DPYD: variants seen among roughly 807,000 people sequenced by gnomAD.
DPYD encodes dihydropyrimidine dehydrogenase [NADP(+)].
In DPYD, 109 loss-of-function variants were observed where a neutral mutation model predicts 116.2. The ratio of observed to expected loss-of-function variants is 0.94; its 90% CI spans 0.80 to 1.10. The LOEUF (loss-of-function observed/expected upper bound fraction) is 1.10, where lower values mean the gene tolerates loss of function less well. Ranked by LOEUF, DPYD falls within the 50% of genes least tolerant of loss-of-function variation. The probability of loss-of-function intolerance (pLI) is 0.00; values close to 1 mark genes in which losing one functional copy is unlikely to be tolerated. For synonymous variants in DPYD, 440 were observed against 432.0 expected, an observed-to-expected ratio of 1.02 and a Z score of -0.23; for missense variants, 1,302 against 1,254.5, an observed-to-expected ratio of 1.04 and a Z score of -0.57.
rs977769300 is a variant in DPYD, at chr1:97,341,524, A to G, written c.2058+32037T>C. Among the ~76,000 whole-genome samples, 40 of 152,324 alleles carry G rather than the reference A, an allele frequency of 2.6e-4. 1 individual carries two copies. The highest frequency in any genetic ancestry group is 8.9e-4 in the African/African-American group (37 of 41,584). ...CTCTCTAAGTTCTTTTACTGAACAG[A>G]GACCACACCATTAAAGAGGAACATT... On this transcript the variant is annotated intron_variant, in intron 16 of 22. Coordinates refer to ENST00000370192, the MANE Select transcript of DPYD (RefSeq NM_000110.4).
chr1:97,918,958 GA>G (rs2101723534), intron 1 of DPYD, among the ~76,000 whole-genome samples: 1 of 152,304 alleles, frequency 6.6e-6, no homozygotes, highest in Admixed American at 6.5e-5. Flanking sequence ...AAATTTGATG[GA>G]AAACTGAGCC....
chr1:97,738,677 A>C (rs2101066023), intron 4 of DPYD, among the ~76,000 whole-genome samples: 1 of 151,382 alleles, frequency 6.6e-6, no homozygotes, highest in Admixed American at 6.6e-5. Context: ...ATCCTTCAAC[A>C]AAAAATTAGG....
intron 1 of DPYD, among the ~76,000 whole-genome samples, chr1:97,920,291 TAC>T (rs1410144135): frequency 1.3e-5 from 2 of 151,930 alleles, no homozygotes; most frequent in African/African-American, 4.8e-5. Flanking sequence ...GAGAGAAAAA[TAC>T]AGTTAGTTTT....
In DPYD at chr1:97,142,282, G is replaced by A. The variant is rs537499479; in HGVS notation, c.2623-43650C>T. Among the ~76,000 whole-genome samples the A allele has an allele frequency of 5.3e-5, 8 of 152,198 alleles. No individual in the cohort carries two copies. In the South Asian group the frequency reaches 1.5e-3, roughly 28 times the overall value. On this transcript the variant is annotated intron_variant, in intron 20 of 22. Coordinates refer to ENST00000370192, the MANE Select transcript of DPYD (RefSeq NM_000110.4). ...TAAATCTATCTTCAGTTAGACTTTGGCAAGCATTTCTGCTTTTAAATGTGA... is the reference window on the plus strand; with the variant it reads ...TAAATCTATCTTCAGTTAGACTTTGACAAGCATTTCTGCTTTTAAATGTGA...
At position 97,193,096 on chromosome 1, in the gene DPYD, A is replaced by C; in HGVS notation, c.2595T>G (p.Val865=). 1 of 1,614,068 alleles carries C rather than the reference A, an allele frequency of 6.2e-7. No homozygotes were observed. The highest frequency in any genetic ancestry group is 8.5e-7 in the Non-Finnish European group (1 of 1,179,958). ...ATVSHQKGKP[V]PRIAELMDKK... is the part of the protein sequence containing the mutation. Reference sequence around the variant, plus strand: ...TGTCCATGAGTTCAGCTATACGTGGAACTGGTTTCCCTTTCTGGTGACTCA... The same window carrying C: ...TGTCCATGAGTTCAGCTATACGTGGCACTGGTTTCCCTTTCTGGTGACTCA... Residue 865 remains valine, a synonymous_variant, in exon 20 of 23, where the codon GTT becomes GTG. Coordinates refer to ENST00000370192, the MANE Select transcript of DPYD (RefSeq NM_000110.4).
chr1:97,317,857 G>C (rs1667956632), intron 16 of DPYD, among the ~76,000 whole-genome samples: 1 of 151,952 alleles, frequency 6.6e-6, no homozygotes, highest in South Asian at 2.1e-4. Context: ...TAACCTATCA[G>C]AGAAAAACTG....
At chr1:97,542,437 G>A (rs1372113850) in intron 12 of DPYD, among the ~76,000 whole-genome samples, 1 of 152,100 alleles carries the variant, frequency 6.6e-6, no homozygotes, top group Non-Finnish European at 1.5e-5. Context: ...ACCCCTCATG[G>A]AGTGAGCAAC....
At chr1:97,369,008 G>A (rs542821515) in intron 16 of DPYD, among the ~76,000 whole-genome samples, 17 of 152,264 alleles carry the variant, frequency 1.1e-4, no homozygotes, top group Non-Finnish European at 5.9e-5. Context: ...GGTCTATTCA[G>A]TACTAGCCTG....
intron 3 of DPYD, among the ~76,000 whole-genome samples, chr1:97,824,106 C>T (rs1315354842): frequency 1.3e-5 from 2 of 152,102 alleles, no homozygotes; most frequent in Admixed American, 1.3e-4. Flanking sequence ...AATACAATCA[C>T]ATTAAAAGAT....
intron 6 of DPYD, among the ~76,000 whole-genome samples, chr1:97,695,606 C>G (rs1163644777): frequency 6.7e-6 from 1 of 150,036 alleles, no homozygotes; most frequent in African/African-American, 2.5e-5. Flanking sequence ...TATATATATA[C>G]TGAAGGAAGG....
intron 18 of DPYD, among the ~76,000 whole-genome samples, chr1:97,242,887 T>C (rs897257173): frequency 6.6e-6 from 1 of 151,812 alleles, no homozygotes; most frequent in Admixed American, 6.6e-5. Context: ...TATATATCTA[T>C]ATAGTGATTA....
At position 97,740,483 on chromosome 1, in the gene DPYD, G is replaced by C. The variant is rs1406668601; in HGVS notation, c.234-4C>G. 1.2e-6 allele frequency: 2 copies of C among 1,610,696 alleles called. No homozygotes were observed. ...GGCATCTGCACATTTCAGGCATCTAGGAAATAAAATAACTATGTTAAGAAA... is the reference window on the plus strand; with the variant it reads ...GGCATCTGCACATTTCAGGCATCTACGAAATAAAATAACTATGTTAAGAAA... On this transcript the variant is annotated splice_polypyrimidine_tract_variant and splice_region_variant and intron_variant, in intron 3 of 22. Coordinates refer to ENST00000370192, the MANE Select transcript of DPYD (RefSeq NM_000110.4).
intron 3 of DPYD, among the ~76,000 whole-genome samples, chr1:97,793,842 T>A (rs1214957687): frequency 6.6e-6 from 1 of 152,120 alleles, no homozygotes; most frequent in African/African-American, 2.4e-5. Context: ...AAAATACACA[T>A]CATAGCACAA....
intron 18 of DPYD, among the ~76,000 whole-genome samples, chr1:97,265,669 TA>T (rs1664181119): frequency 6.6e-6 from 1 of 152,252 alleles, no homozygotes; most frequent in Admixed American, 6.5e-5. Context: ...ATCTGTTTTT[TA>T]TTATGTAGTG....
chr1:97,420,640 A>T (rs1674529157), intron 14 of DPYD, among the ~76,000 whole-genome samples: 1 of 152,132 alleles, frequency 6.6e-6, no homozygotes. Context: ...CCTGCGGTCT[A>T]GGGATCTCTT....
Position 97,078,987 on chromosome 1 carries a change from G to T in DPYD, c.3067C>A (p.Pro1023Thr), listed in dbSNP as rs114096998. 3,179 of 1,613,548 alleles carry T rather than the reference G, an allele frequency of 2.0e-3. 53 individuals are homozygous for T. In the African/African-American group the frequency reaches 0.039, roughly 20 times the overall value. The change falls in exon 23 of 23, where the codon CCG becomes ACG. Residue 1023 changes from proline to threonine, a missense_variant. Transcript: ENST00000370192. ...PKRGVPLSVN[P>T]VC Reference sequence around the variant, plus strand: ...TTTCACAAATCACCTTAACACACCGGATTCACAGATAAGGGTACGCCTCTC... The same window carrying T: ...TTTCACAAATCACCTTAACACACCGTATTCACAGATAAGGGTACGCCTCTC...
At chr1:97,358,927 G>A (rs1007591610) in intron 16 of DPYD, among the ~76,000 whole-genome samples, 16 of 152,064 alleles carry the variant, frequency 1.1e-4, no homozygotes, top group South Asian at 2.1e-4. Context: ...ACAGCTCCTC[G>A]GCAGCAACAG....
At chr1:97,860,584 A>C (rs1671066380) in intron 2 of DPYD, among the ~76,000 whole-genome samples, 1 of 152,190 alleles carries the variant, frequency 6.6e-6, no homozygotes, top group Non-Finnish European at 1.5e-5. Flanking sequence ...AGTACTGGAC[A>C]AATCTTTAAG....
intron 8 of DPYD, among the ~76,000 whole-genome samples, chr1:97,665,058 C>G (rs567287017): frequency 1.3e-5 from 2 of 151,974 alleles, no homozygotes; most frequent in African/African-American, 4.8e-5. Flanking sequence ...CATATGATCT[C>G]GTATTATCAC....
Sources: allele counts gnomAD v4.1 joint callset (sites outside exome capture counted in the v4.1 genomes callset), GRCh38; gene constraint gnomAD v4.1.1; transcripts MANE v1.5; gene names NCBI Gene and HGNC (gene_info 2026-07-23, HGNC 2026-07-21).